CNTNAP5: variants seen among roughly 807,000 people sequenced by gnomAD.
CNTNAP5 encodes the protein contactin associated protein family member 5, also known as contactin-associated protein-like 5.
CNTNAP5 carries 72 observed loss-of-function variants against 150.2 expected under a neutral mutation model. The observed-to-expected ratio is 0.48, with a 90% CI of 0.40 to 0.58. The LOEUF is 0.58. Among genes scored for constraint, CNTNAP5 ranks in the 20% least tolerant of loss-of-function variants. The pLI is 0.00. For missense variants in CNTNAP5, 1,636 were observed against 1,626.2 expected, an observed-to-expected ratio of 1.01 and a Z score of -0.10; for synonymous variants, 672 against 619.8, an observed-to-expected ratio of 1.08 and a Z score of -1.25.
intron 3 of CNTNAP5, among the ~76,000 whole-genome samples, chr2:124,368,309 G>A (rs757159037): frequency 6.6e-6 from 1 of 152,148 alleles, no homozygotes; most frequent in Non-Finnish European, 1.5e-5. Flanking sequence ...CCATTCATCT[G>A]ATTGACATAC....
At chr2:124,552,452 G>A (rs529536534) in intron 10 of CNTNAP5, among the ~76,000 whole-genome samples, 56 of 152,216 alleles carry the variant, frequency 3.7e-4, no homozygotes, top group African/African-American at 9.1e-4. Context: ...GATTGCCCAC[G>A]CTCAGATATC....
intron 19 of CNTNAP5, among the ~76,000 whole-genome samples, chr2:124,809,370 C>T (rs1173522957): frequency 3.4e-5 from 5 of 148,078 alleles, no homozygotes; most frequent in Non-Finnish European, 7.4e-5. Context: ...ACCCATAAAA[C>T]AATAATATGG....
intron 3 of CNTNAP5, among the ~76,000 whole-genome samples, chr2:124,375,297 A>T (rs1690617920): frequency 3.3e-5 from 5 of 152,128 alleles, no homozygotes. Context: ...AAACCTGCTG[A>T]CCCCAGCATA....
chr2:124,246,012 G>C (rs1478243667), intron 3 of CNTNAP5, among the ~76,000 whole-genome samples: 2 of 151,986 alleles, frequency 1.3e-5, no homozygotes, highest in Non-Finnish European at 2.9e-5. Flanking sequence ...CAGGTTTACA[G>C]GCTTGAGCCA....
At chr2:124,183,772 G>A (rs978662586) in intron 1 of CNTNAP5, among the ~76,000 whole-genome samples, 1 of 152,146 alleles carries the variant, frequency 6.6e-6, no homozygotes, top group Non-Finnish European at 1.5e-5. Context: ...TCTCTCAAAG[G>A]CTGGGAGTAG....
At chr2:124,785,600 T>C (rs1478525971) in intron 17 of CNTNAP5, among the ~76,000 whole-genome samples, 1 of 152,134 alleles carries the variant, frequency 6.6e-6, no homozygotes, top group Non-Finnish European at 1.5e-5. Context: ...GTGCAAAGTC[T>C]AGATAGGCCA....
chr2:124,629,940 A>AAAAAAAAC (rs1677812734), intron 12 of CNTNAP5, among the ~76,000 whole-genome samples: 1 of 149,108 alleles, frequency 6.7e-6, no homozygotes, highest in African/African-American at 2.4e-5. Context: ...TCTATGCAAA[A>AAAAAAAAC]AAAAAAAAAA....
chr2:124,249,793 CTT>C (rs758401450), intron 3 of CNTNAP5, among the ~76,000 whole-genome samples: 1 of 152,136 alleles, frequency 6.6e-6, no homozygotes, highest in Non-Finnish European at 1.5e-5. Context: ...GAGTTTGACT[CTT>C]TTCATCGACA....
In CNTNAP5 at chr2:124,790,230, A is replaced by C. The variant is rs890588782; in HGVS notation, c.2992+89A>C. 131 of 1,346,476 alleles carry C rather than the reference A, an allele frequency of 9.7e-5. 1 individual carries two copies. Among genetic ancestry groups the C allele is most frequent in the Non-Finnish European group, 3.0e-5 (30 of 997,858 alleles). 83.4% of individuals were successfully genotyped at this position (1,346,476 alleles called of 1,614,324 possible). On this transcript the variant is annotated intron_variant, in intron 18 of 23. Transcript: ENST00000682447. ...CCATGTGATACTCACACTCTGAGACAGTCTTTATCATCTACTCTCCCGCTG... is the reference window on the plus strand; with the variant it reads ...CCATGTGATACTCACACTCTGAGACCGTCTTTATCATCTACTCTCCCGCTG...
At chr2:124,532,950 C>T (rs947349041) in intron 10 of CNTNAP5, among the ~76,000 whole-genome samples, 1 of 152,038 alleles carries the variant, frequency 6.6e-6, no homozygotes, top group Non-Finnish European at 1.5e-5. Context: ...GGCTTAAGTG[C>T]CCCGCCACCC....
chr2:124,810,482 T>C (rs143544141), intron 19 of CNTNAP5, among the ~76,000 whole-genome samples: 40 of 152,160 alleles, frequency 2.6e-4, no homozygotes, highest in African/African-American at 9.6e-4. Context: ...GGAGGACAGT[T>C]AAAACAGAAA....
At position 124,609,871 on chromosome 2, in the gene CNTNAP5, A is replaced by T. The variant is rs754729612; in HGVS notation, c.1827A>T (p.Ser609=). Residue 609 remains serine (S), a synonymous_variant, in exon 12 of 24, where the codon TCA becomes TCT. Coordinates refer to ENST00000682447, the MANE Select transcript of CNTNAP5 (RefSeq NM_001367498.1). ...GNTAGFFYID[S]DGSGPLGPLQ... is the part of the protein sequence containing the mutation. ...CAGCCGGCTTCTTCTACATCGACTC[A>T]GATGGCAGCGGCCCACTGGGACCTC... The T allele has an allele frequency of 1.9e-6, 3 of 1,613,996 alleles. No individual in the cohort carries two copies. Among genetic ancestry groups the T allele is most frequent in the Non-Finnish European group, 2.5e-6 (3 of 1,179,866 alleles).
At chr2:124,083,767 G>GC (rs1437445966) in intron 1 of CNTNAP5, among the ~76,000 whole-genome samples, 1 of 149,704 alleles carries the variant, frequency 6.7e-6, no homozygotes, top group East Asian at 2.0e-4. Context: ...CTTCTTTGTT[G>GC]TTTTCCTTCT....
intron 11 of CNTNAP5, among the ~76,000 whole-genome samples, chr2:124,607,628 G>T (rs987936829): frequency 6.6e-6 from 1 of 152,170 alleles, no homozygotes; most frequent in Non-Finnish European, 1.5e-5. Flanking sequence ...GGGGTAGCTT[G>T]TCCACGCTTC....
chr2:124,178,533 C>G (rs530639419), intron 1 of CNTNAP5, among the ~76,000 whole-genome samples: 1 of 152,236 alleles, frequency 6.6e-6, no homozygotes, highest in South Asian at 2.1e-4. Flanking sequence ...ATAGTAATTT[C>G]AATGTTTTTG....
At chr2:124,162,826 T>C (rs1451325002) in intron 1 of CNTNAP5, among the ~76,000 whole-genome samples, 3 of 150,560 alleles carry the variant, frequency 2.0e-5, no homozygotes, top group African/African-American at 7.3e-5. Flanking sequence ...TCATAGAATG[T>C]ATTTCAAGGC....
intron 5 of CNTNAP5, among the ~76,000 whole-genome samples, chr2:124,439,140 C>T (rs1269345948): frequency 2.0e-5 from 3 of 152,260 alleles, no homozygotes; most frequent in South Asian, 4.1e-4. Flanking sequence ...CAGGAAGGAA[C>T]AGAGGGATCC....
chr2:124,323,135 G>A (rs1370107068), intron 3 of CNTNAP5, among the ~76,000 whole-genome samples: 1 of 152,166 alleles, frequency 6.6e-6, no homozygotes, highest in Non-Finnish European at 1.5e-5. Flanking sequence ...TGATGTTATA[G>A]AAGTTAATGT....
chr2:124,516,881 A>G (rs1210667788), intron 8 of CNTNAP5, among the ~76,000 whole-genome samples: 2 of 152,212 alleles, frequency 1.3e-5, no homozygotes, highest in Non-Finnish European at 2.9e-5. Flanking sequence ...AGAAAGAGGT[A>G]CAATTGAGAG....
Sources: gnomAD v4.1 joint callset for allele counts (sites outside exome capture counted in the v4.1 genomes callset) on GRCh38, gnomAD v4.1.1 for gene constraint, MANE v1.5 for transcripts, NCBI Gene and HGNC (gene_info 2026-07-23, HGNC 2026-07-21) for gene names.